The following TEX14 variants were observed in gnomAD, a reference collection of about 807,000 sequenced individuals.
TEX14 encodes testis expressed 14, intercellular bridge forming factor, also known as inactive serine/threonine-protein kinase TEX14.
In TEX14, 168 loss-of-function variants were observed where a neutral mutation model predicts 178.6. The observed-to-expected ratio is 0.94, with a 90% confidence interval of 0.83 to 1.07. TEX14 has a LOEUF of 1.07. Ranked by LOEUF, TEX14 falls within the 50% of genes least tolerant of loss-of-function variation. The pLI, the probability that TEX14 is intolerant of heterozygous loss-of-function variation, is 0.00. For synonymous variants in TEX14, 626 were observed against 634.1 expected (o/e 0.99, Z 0.19); for missense variants, 1,730 against 1,753.6 (o/e 0.99, Z 0.24).
chr17:58,651,149 C>T (rs982636260), intron 2 of TEX14, among the ~76,000 whole-genome samples: 1 of 152,156 alleles, frequency 6.6e-6, no homozygotes, highest in Non-Finnish European at 1.5e-5. Flanking sequence ...TGGTGGCTTA[C>T]GCCTATAGTC....
intron 15 of TEX14, among the ~76,000 whole-genome samples, chr17:58,588,925 T>C (rs1450740450): frequency 6.6e-6 from 1 of 152,148 alleles, no homozygotes; most frequent in Non-Finnish European, 1.5e-5. Flanking sequence ...AAATAAAGTT[T>C]ATAAATATCT....
chr17:58,649,770 C>T (rs998835948), intron 2 of TEX14, among the ~76,000 whole-genome samples: 3 of 152,104 alleles, frequency 2.0e-5, no homozygotes, highest in African/African-American at 7.2e-5. Flanking sequence ...AGAGTAGTCT[C>T]ACTCTGTCCC....
At chr17:58,626,932 T>G (rs911587827) in intron 3 of TEX14, among the ~76,000 whole-genome samples, 8 of 152,098 alleles carry the variant, frequency 5.3e-5, no homozygotes, top group Admixed American at 4.6e-4. Flanking sequence ...AGATAAAAAT[T>G]TTTTAAAAAC....
At chr17:58,656,697 T>C (rs2046971056) in intron 1 of TEX14, among the ~76,000 whole-genome samples, 1 of 148,640 alleles carries the variant, frequency 6.7e-6, no homozygotes, top group Admixed American at 6.8e-5. Flanking sequence ...GAGGTTGCAG[T>C]GAGCCAAGAT....
In TEX14 at chr17:58,622,890, G is replaced by A. The variant is rs535296987; in HGVS notation, c.374C>T (p.Pro125Leu). The change falls in exon 4 of 32, where the codon CCG becomes CTG. Residue 125 changes from proline to leucine, a missense_variant. Physicochemically the swap from Pro to Leu is moderately conservative, Grantham distance 98. Transcript: ENST00000349033. ...LRLHDERGQN[P>L]KTWALTAGKE... ...TCCTGCTGTCAAAGCCCAAGTCTTCGGGTTTTGACCCCTCTCATCGTGGAG... is the reference window on the plus strand; with the variant it reads ...TCCTGCTGTCAAAGCCCAAGTCTTCAGGTTTTGACCCCTCTCATCGTGGAG... The A allele has an allele frequency of 2.5e-5, 41 of 1,612,488 alleles. No homozygotes were observed. Among genetic ancestry groups the A allele is most frequent in the South Asian group, 2.1e-4 (19 of 91,028 alleles).
Position 58,557,051 on chromosome 17 carries a change from T to G in TEX14, c.4320-4A>C. On this transcript the variant is annotated splice_region_variant and splice_polypyrimidine_tract_variant and intron_variant, in intron 31 of 31. Coordinates refer to ENST00000349033, the MANE Select transcript of TEX14 (RefSeq NM_031272.5). Reference sequence around the variant, plus strand: ...ACTCTGATCCAGCACGATTATCCTATGCACATGTTTTTTAAAGAACAAAAA... The same window carrying G: ...ACTCTGATCCAGCACGATTATCCTAGGCACATGTTTTTTAAAGAACAAAAA... 1 of 1,613,664 alleles carries G rather than the reference T, an allele frequency of 6.2e-7. No individual in the cohort carries two copies. Among genetic ancestry groups the G allele is most frequent in the Non-Finnish European group, 8.5e-7 (1 of 1,179,502 alleles).
chr17:58,660,541 G>T (rs770254659), intron 1 of TEX14: 1 of 765,676 alleles, frequency 1.3e-6, no homozygotes. Context: ...GGCGGGGAAG[G>T]TGTGCACCCT....
chr17:58,661,218 G>T, intron 1 of TEX14: 1 of 796,438 alleles, frequency 1.3e-6, no homozygotes, highest in Non-Finnish European at 2.3e-6. Context: ...GTTTGGGGCA[G>T]CTCAAACTCG....
intron 10 of TEX14, among the ~76,000 whole-genome samples, chr17:58,609,235 G>A (rs1020466028): frequency 2.0e-4 from 30 of 152,256 alleles, no homozygotes; most frequent in African/African-American, 6.7e-4. Context: ...TCAGCCTCCC[G>A]AGTAGCCGGG....
At chr17:58,688,813 G>A (rs896448239) in intron 1 of TEX14, among the ~76,000 whole-genome samples, 4 of 152,116 alleles carry the variant, frequency 2.6e-5, no homozygotes, top group Non-Finnish European at 5.9e-5. Flanking sequence ...TTCCCGGGGG[G>A]GGTTTGGGAG....
chr17:58,644,862 G>A (rs867262879), intron 2 of TEX14, among the ~76,000 whole-genome samples: 1 of 128,082 alleles, frequency 7.8e-6, no homozygotes, highest in Admixed American at 7.8e-5. Context: ...TGTTGGCCAG[G>A]CTGGTCTCGA....
At chr17:58,623,187 C>T (rs1466517057) in intron 3 of TEX14, among the ~76,000 whole-genome samples, 175 bp from the exon 4 acceptor site, 1 of 116,104 alleles carries the variant, frequency 8.6e-6, no homozygotes, top group African/African-American at 4.1e-5. Flanking sequence ...TCTGTACACA[C>T]ACACACACAC....
At chr17:58,626,707 C>T (rs2046151935) in intron 3 of TEX14, among the ~76,000 whole-genome samples, 1 of 151,094 alleles carries the variant, frequency 6.6e-6, no homozygotes, top group Admixed American at 6.6e-5. Flanking sequence ...CATGGCAAAA[C>T]TAAAAATACA....
At chr17:58,666,458 C>CAACCAAAAAAAA (rs1210748349) in intron 1 of TEX14, 3 of 36,814 alleles carry the variant, frequency 8.1e-5, no homozygotes, top group Non-Finnish European at 4.7e-5. Context: ...CCTTCCACGG[C>CAACCAAAAAAAA]AAAAAAAAAA....
chr17:58,676,113 C>T (rs569231162), intron 1 of TEX14, among the ~76,000 whole-genome samples: 8 of 152,110 alleles, frequency 5.3e-5, no homozygotes, highest in Admixed American at 2.0e-4. Context: ...CAGTTGCTCA[C>T]GCCTGTGATC....
chr17:58,616,347 GA>G (rs749696386), intron 6 of TEX14, 42 bp from the exon 7 acceptor site: 19 of 1,596,558 alleles, frequency 1.2e-5, no homozygotes, highest in Non-Finnish European at 1.4e-5. Flanking sequence ...GAGAAGGGGG[GA>G]AAAGCAGAAT....
intron 14 of TEX14, 50 bp from the exon 15 acceptor site, chr17:58,593,711 T>G (rs758978908): frequency 7.1e-7 from 1 of 1,407,778 alleles, no homozygotes; most frequent in South Asian, 1.2e-5. Context: ...GAATTCCCAC[T>G]CTCTTCACTG....
chr17:58,571,524 C>T (rs1373240569), intron 24 of TEX14, among the ~76,000 whole-genome samples: 1 of 151,936 alleles, frequency 6.6e-6, no homozygotes, highest in Non-Finnish European at 1.5e-5. Context: ...AGGCTTGAGC[C>T]ACTGTGCCTG....
intron 1 of TEX14, among the ~76,000 whole-genome samples, chr17:58,667,923 G>A (rs1399684239): frequency 6.7e-6 from 1 of 148,686 alleles, no homozygotes; most frequent in South Asian, 2.1e-4. Context: ...TTCTTTTCTT[G>A]TTTGCTTGGC....
Sources: allele counts gnomAD v4.1 joint callset (sites outside exome capture counted in the v4.1 genomes callset), GRCh38; gene constraint gnomAD v4.1.1; transcripts MANE v1.5; gene names NCBI Gene and HGNC (gene_info 2026-07-23, HGNC 2026-07-21).